ANGPT2: variants seen among roughly 807,000 people sequenced by gnomAD.
The protein encoded by ANGPT2 is angiopoietin 2, also known as angiopoietin-2.
A neutral mutation model predicts 62.9 loss-of-function variants in ANGPT2; 28 were observed. The observed-to-expected ratio is 0.44, with a 90% CI of 0.33 to 0.61. The LOEUF is 0.61. ANGPT2 is among the 20% of genes least tolerant of loss of function. The pLI, the probability that ANGPT2 is intolerant of heterozygous loss-of-function variation, is 0.03. For synonymous variants in ANGPT2, 284 were observed against 207.8 expected, an observed-to-expected ratio of 1.37 and a Z score of -3.15; for missense variants, 727 against 594.9, an observed-to-expected ratio of 1.22 and a Z score of -2.31.
At position 6,513,793 on chromosome 8, in the gene ANGPT2, G is replaced by C. The variant is rs757679009; in HGVS notation, c.1081C>G (p.Gln361Glu). The C allele has an allele frequency of 6.2e-7, 1 of 1,613,916 alleles. No individual in the cohort carries two copies. The highest frequency in any genetic ancestry group is 1.1e-5 in the South Asian group (1 of 90,998). The change falls in exon 7 of 9, where the codon CAA becomes GAA. Residue 361 changes from glutamine to glutamate, a missense_variant. Coordinates refer to ENST00000629816, the MANE Select transcript of ANGPT2 (RefSeq NM_001118887.2). Reference sequence around the variant, plus strand: ...ACATAGCGTTGCTGATTAGTCAGTTGCGAAACAAACTCATTTCCCAGCCAA... The same window carrying C: ...ACATAGCGTTGCTGATTAGTCAGTTCCGAAACAAACTCATTTCCCAGCCAA... ...EYWLGNEFVS[Q>E]LTNQQRYVLK...
At chr8:6,536,147 T>C (rs1820446932) in intron 1 of ANGPT2, among the ~76,000 whole-genome samples, 1 of 152,200 alleles carries the variant, frequency 6.6e-6, no homozygotes, top group Non-Finnish European at 1.5e-5. Context: ...AAATATATGA[T>C]GTGACAGTCA....
At chr8:6,533,885 G>A (rs1398483423) in intron 1 of ANGPT2, among the ~76,000 whole-genome samples, 1 of 152,172 alleles carries the variant, frequency 6.6e-6, no homozygotes, top group Non-Finnish European at 1.5e-5. Flanking sequence ...AGGATGGGAA[G>A]GGTAGAGTTT....
At chr8:6,515,831 G>T (rs1816157746) in intron 5 of ANGPT2, among the ~76,000 whole-genome samples, 1 of 152,270 alleles carries the variant, frequency 6.6e-6, no homozygotes, top group African/African-American at 2.4e-5. Flanking sequence ...AAGCTTCAAC[G>T]CACACTGTTC....
chr8:6,529,848 C>T (rs879377828), intron 2 of ANGPT2, among the ~76,000 whole-genome samples: 2 of 150,214 alleles, frequency 1.3e-5, no homozygotes, highest in Non-Finnish European at 3.0e-5. Flanking sequence ...TTCCTGTTAT[C>T]CTGGATAACA....
rs545748479 is a variant in ANGPT2 at position 6,557,952 on chromosome 8, G to A, written c.288+4695C>T. Among the ~76,000 whole-genome samples, 46 of 152,230 alleles carry A rather than the reference G, an allele frequency of 3.0e-4. 1 individual carries two copies. Among genetic ancestry groups the A allele is most frequent in the African/African-American group, 1.1e-3 (45 of 41,532 alleles). On this transcript the variant is annotated intron_variant, in intron 1 of 8. Coordinates refer to ENST00000629816, the MANE Select transcript of ANGPT2 (RefSeq NM_001118887.2). ...ACCTCCTTTCTTCCCTGTCAAAACA[G>A]TTGTGCCACGTCCTCCCCCTCTTCC...
intron 3 of ANGPT2, among the ~76,000 whole-genome samples, chr8:6,523,688 C>G (rs1009545055): frequency 6.6e-6 from 1 of 152,170 alleles, no homozygotes; most frequent in Non-Finnish European, 1.5e-5. Context: ...CTCCCGGATT[C>G]AAGCAGTTCT....
Position 6,532,365 on chromosome 8 carries a change from C to G in ANGPT2, c.411G>C (p.Glu137Asp). 6.2e-7 allele frequency: 1 copy of G among 1,614,124 alleles called. No homozygotes were observed. Among genetic ancestry groups the G allele is most frequent in the Non-Finnish European group, 8.5e-7 (1 of 1,180,022 alleles). Residue 137 changes from glutamate to aspartate, a missense_variant, in exon 2 of 9, where the codon GAG (glutamate) becomes GAC (aspartate). Physicochemically the swap from Glu to Asp is conservative, Grantham distance 45. Coordinates refer to ENST00000629816, the MANE Select transcript of ANGPT2 (RefSeq NM_001118887.2). ...CCACATCAGTTAACTTCCGCGTTTGCTCCGCTGTTTGGTTCAACAGGTTTG... is the reference window on the plus strand; with the variant it reads ...CCACATCAGTTAACTTCCGCGTTTGGTCCGCTGTTTGGTTCAACAGGTTTG... ...IGTNLLNQTAEQTRKLTDVEA... is the reference protein window; with the variant it reads ...IGTNLLNQTADQTRKLTDVEA...
intron 1 of ANGPT2, among the ~76,000 whole-genome samples, chr8:6,554,434 A>T (rs1280489668): frequency 2.0e-5 from 3 of 152,200 alleles, no homozygotes. Context: ...TCTATGAGAC[A>T]TCGTCAACAT....
chr8:6,506,326 G>T (rs1019108393), intron 8 of ANGPT2, among the ~76,000 whole-genome samples: 2 of 151,958 alleles, frequency 1.3e-5, no homozygotes, highest in Admixed American at 1.3e-4. Flanking sequence ...GCTGGAATTT[G>T]ACCTCTTCAC....
chr8:6,516,401 G>T (rs140749090), intron 5 of ANGPT2, among the ~76,000 whole-genome samples: 8 of 152,276 alleles, frequency 5.3e-5, no homozygotes, highest in African/African-American at 1.9e-4. Flanking sequence ...CCTTCTAAGT[G>T]ATATATAGGA....
intron 1 of ANGPT2, 76 bp downstream of exon 1, chr8:6,562,571 T>G (rs1586640016): frequency 4.7e-6 from 2 of 421,966 alleles, no homozygotes; most frequent in East Asian, 4.2e-5. Flanking sequence ...TTTTTTTTTT[T>G]GGTTGTTAAA....
At chr8:6,521,836 T>C (rs1056324883) in intron 3 of ANGPT2, among the ~76,000 whole-genome samples, 1 of 152,200 alleles carries the variant, frequency 6.6e-6, no homozygotes, top group African/African-American at 2.4e-5. Flanking sequence ...TCCTAAACTA[T>C]TTATATTTTA....
chr8:6,499,840 T>G lies in ANGPT2; in HGVS notation c.*3261A>C. On this transcript the variant is annotated 3_prime_UTR_variant, in exon 9 of 9. Coordinates refer to ENST00000629816, the MANE Select transcript of ANGPT2 (RefSeq NM_001118887.2). ...AAATGTATAATAAATCTGCTTGTTG[T>G]GTCACTTGCAGGTGCTATGGTCTTT... 2 of 1,612,006 alleles carry G rather than the reference T, an allele frequency of 1.2e-6. No homozygotes were observed. The highest frequency in any genetic ancestry group is 1.7e-6 in the Non-Finnish European group (2 of 1,179,186).
intron 1 of ANGPT2, among the ~76,000 whole-genome samples, chr8:6,533,569 C>CTTTTTTTTTT (rs56882906): frequency 8.8e-6 from 1 of 113,350 alleles, no homozygotes; most frequent in Non-Finnish European, 1.7e-5. Flanking sequence ...CGTTTAGTTT[C>CTTTTTTTTTT]TTTTTTTTTT....
chr8:6,560,004 G>A (rs1825276793), intron 1 of ANGPT2, among the ~76,000 whole-genome samples: 1 of 152,210 alleles, frequency 6.6e-6, no homozygotes, highest in African/African-American at 2.4e-5. Flanking sequence ...TTTTGATGAT[G>A]TGAAACCTGC....
At chr8:6,520,135 T>A in intron 4 of ANGPT2, 144 bp from the exon 5 acceptor site, 1 of 892,372 alleles carries the variant, frequency 1.1e-6, no homozygotes, top group Non-Finnish European at 1.6e-6. Flanking sequence ...TTAACCTTTC[T>A]AGAAAGTTTC....
At chr8:6,532,165 T>C (rs1003914438) in intron 2 of ANGPT2, among the ~76,000 whole-genome samples, 167 bp downstream of exon 2, 6 of 152,232 alleles carry the variant, frequency 3.9e-5, no homozygotes, top group Non-Finnish European at 7.3e-5. Context: ...TACTGATTTT[T>C]AATTCATAAG....
rs36045217 is a variant in ANGPT2, at chr8:6,513,312, A to AT, written c.1196+365dup. On this transcript the variant is annotated intron_variant, in intron 7 of 8. Coordinates refer to ENST00000629816, the MANE Select transcript of ANGPT2 (RefSeq NM_001118887.2). ...GAATAGTCACCCAGCAAACCTTTTA[A>AT]TTTTTTTTTTCTTTTTCTTTTTCTT... Among the ~76,000 whole-genome samples, 16 of 146,678 alleles carry AT rather than the reference A, an allele frequency of 1.1e-4. No homozygotes were observed. The East Asian group carries it at 1.8e-3, about 17-fold the overall frequency.
intron 4 of ANGPT2, among the ~76,000 whole-genome samples, 161 bp from the exon 5 acceptor site, chr8:6,520,152 G>A (rs867286365): frequency 6.6e-6 from 1 of 152,078 alleles, no homozygotes; most frequent in South Asian, 2.1e-4. Context: ...TTTCCTTTCA[G>A]CCTGTTTTCT....
Sources: allele counts gnomAD v4.1 joint callset (sites outside exome capture counted in the v4.1 genomes callset), GRCh38; gene constraint gnomAD v4.1.1; transcripts MANE v1.5; gene names NCBI Gene and HGNC (gene_info 2026-07-23, HGNC 2026-07-21).